LYRM4: variants seen among roughly 807,000 people sequenced by gnomAD.
LYRM4 encodes LYR motif-containing protein 4.
Under a neutral mutation model 11.7 loss-of-function variants are expected in LYRM4, and 9 were observed. The observed-to-expected ratio is 0.77, with a 90% CI of 0.46 to 1.34. LYRM4 has a LOEUF of 1.34. Among genes scored for constraint, LYRM4 ranks in the 40% most tolerant of loss-of-function variants. LYRM4 has a pLI of 0.00. For missense variants in LYRM4, 133 were observed against 112.5 expected (o/e 1.18, Z -0.82); for synonymous variants, 42 against 40.4 (o/e 1.04, Z -0.15).
the LYRM4 span, among the ~76,000 whole-genome samples, chr6:5,090,742 C>A: frequency 6.6e-6 from 1 of 152,178 alleles, no homozygotes; most frequent in African/African-American, 2.4e-5. This position sits in a 1 kb window ranked among gnomAD's most constrained non-coding sequence, Gnocchi z 4.8. Flanking sequence ...CCGCCCACAG[C>A]CTTCCTGCTC....
chr6:5,200,440 G>A (rs912203051), intron 2 of LYRM4, among the ~76,000 whole-genome samples: 4 of 152,090 alleles, frequency 2.6e-5, no homozygotes, highest in South Asian at 2.1e-4. Context: ...CTACTCCACC[G>A]GGTGGAAGCA....
chr6:5,115,218 G>A (rs1379865551), intron 2 of LYRM4, among the ~76,000 whole-genome samples: 1 of 152,086 alleles, frequency 6.6e-6, no homozygotes, highest in African/African-American at 2.4e-5. Flanking sequence ...AAGGTTTCTA[G>A]AAGTAGAATT....
the LYRM4 span, chr6:5,086,073 G>A: frequency 1.4e-6 from 2 of 1,468,962 alleles, no homozygotes; most frequent in East Asian, 2.9e-5. Flanking sequence ...CGCCTTCCCG[G>A]CTCCGGCCGC....
chr6:5,138,828 C>T (rs1757253763), intron 2 of LYRM4: 4 of 967,946 alleles, frequency 4.1e-6, no homozygotes, highest in Non-Finnish European at 6.2e-6. Context: ...GAAGCAAGTG[C>T]TAGAGGTGTT....
chr6:5,047,896 TG>T, the LYRM4 span, among the ~76,000 whole-genome samples: 1 of 152,186 alleles, frequency 6.6e-6, no homozygotes, highest in Non-Finnish European at 1.5e-5. Context: ...CTCTGTGCCC[TG>T]GGTGGGGGTT....
At chr6:5,141,303 A>G (rs567539200) in intron 2 of LYRM4, among the ~76,000 whole-genome samples, 3 of 152,328 alleles carry the variant, frequency 2.0e-5, no homozygotes, top group Admixed American at 6.5e-5. Flanking sequence ...TGATTTATCA[A>G]TAACTCGCCC....
intron 2 of LYRM4, among the ~76,000 whole-genome samples, chr6:5,116,814 C>G (rs1274825806): frequency 6.6e-6 from 1 of 152,192 alleles, no homozygotes; most frequent in Admixed American, 6.5e-5. Context: ...CTCTGAGACT[C>G]ATTAGACAAA....
Position 5,210,470 on chromosome 6 carries a change from C to A in LYRM4, c.207+6148G>T, listed in dbSNP as rs551194102. On this transcript the variant is annotated intron_variant, in intron 2 of 2. Transcript: ENST00000330636. ...TCATGCTTCCAGTTAAAAAAAAAAA[C>A]CAATGACTGGCTATAATTCGTTTTG... Among the ~76,000 whole-genome samples the A allele has an allele frequency of 1.6e-4, 25 of 151,682 alleles. 1 individual carries two copies. In the South Asian group the frequency reaches 4.4e-3, roughly 27 times the overall value.
intron 2 of LYRM4, among the ~76,000 whole-genome samples, chr6:5,118,094 A>ATATATATATATATATATATATTT: frequency 1.2e-5 from 1 of 86,114 alleles, no homozygotes; most frequent in African/African-American, 3.9e-5. Flanking sequence ...ATATATATAT[A>ATATATATATATATATATATATTT]TTTTTGTTTT....
chr6:5,118,094 A>ATATATATATATATATATTTTTT, intron 2 of LYRM4, among the ~76,000 whole-genome samples: 15 of 86,110 alleles, frequency 1.7e-4, no homozygotes, highest in South Asian at 4.3e-4. Flanking sequence ...ATATATATAT[A>ATATATATATATATATATTTTTT]TTTTTGTTTT....
chr6:5,085,805 T>C, the LYRM4 span: 1 of 1,528,828 alleles, frequency 6.5e-7, no homozygotes, highest in Non-Finnish European at 8.8e-7. Context: ...CAACAGGCGG[T>C]GGCACTGGGC....
the LYRM4 span, among the ~76,000 whole-genome samples, chr6:5,069,319 A>G: frequency 2.0e-5 from 3 of 152,004 alleles, no homozygotes; most frequent in Non-Finnish European, 4.4e-5. Flanking sequence ...AGATATTGTA[A>G]AGATATTAAT....
chr6:5,054,860 G>T, the LYRM4 span, among the ~76,000 whole-genome samples: 2 of 152,196 alleles, frequency 1.3e-5, no homozygotes, highest in African/African-American at 4.8e-5. Context: ...GGCCCTGAAA[G>T]AAATGGCAGT....
intron 2 of LYRM4, chr6:5,132,835 G>A (rs982777835): frequency 5.9e-5 from 9 of 152,186 alleles, no homozygotes; most frequent in South Asian, 2.1e-4. Flanking sequence ...TCCCATCTCC[G>A]TTTAACCTAT....
chr6:5,160,914 T>C (rs1263951194), intron 2 of LYRM4, among the ~76,000 whole-genome samples: 1 of 152,082 alleles, frequency 6.6e-6, no homozygotes, highest in Non-Finnish European at 1.5e-5. Context: ...ACCAGAAAAA[T>C]GGCATTCCAT....
In LYRM4 at chr6:5,231,074, C is replaced by T. The variant is rs183384089; in HGVS notation, c.87-14336G>A. The stretch of plus-strand genomic sequence containing the variant: ...GATGGATCATTTGAGGTTAGGAGTT[C>T]GAGAACAGTCTGGCCAATGTGGTGA... On this transcript the variant is annotated intron_variant, in intron 1 of 2. Coordinates refer to ENST00000330636, the MANE Select transcript of LYRM4 (RefSeq NM_020408.6). Among the ~76,000 whole-genome samples, 62 of 152,212 alleles carry T rather than the reference C, an allele frequency of 4.1e-4. 1 individual carries two copies. The highest frequency in any genetic ancestry group is 6.8e-3 in the Middle Eastern group (2 of 294).
At chr6:5,086,018 G>A in the LYRM4 span, 4 of 1,497,252 alleles carry the variant, frequency 2.7e-6, no homozygotes, top group Middle Eastern at 1.8e-4. Flanking sequence ...GAGCAGCTCG[G>A]GGGGCTGCTG....
At chr6:5,137,456 A>G (rs1232179097) in intron 2 of LYRM4, among the ~76,000 whole-genome samples, 1 of 152,180 alleles carries the variant, frequency 6.6e-6, no homozygotes, top group Non-Finnish European at 1.5e-5. Context: ...AGCAAAAACC[A>G]AGCTCCTGGA....
chr6:5,244,725 T>C (rs979875863), intron 1 of LYRM4, among the ~76,000 whole-genome samples: 3 of 151,806 alleles, frequency 2.0e-5, no homozygotes, highest in Admixed American at 2.0e-4. Flanking sequence ...AGTGACGATG[T>C]GGGCAGATGG....
Sources: allele counts gnomAD v4.1 joint callset (sites outside exome capture counted in the v4.1 genomes callset), GRCh38; gene constraint gnomAD v4.1.1; non-coding constraint Gnocchi (gnomAD v3.1); transcripts MANE v1.5; gene names NCBI Gene and HGNC (gene_info 2026-07-23, HGNC 2026-07-21).